The following PCSK5 variants were observed in gnomAD, a reference collection of about 807,000 sequenced individuals.
PCSK5 encodes proprotein convertase subtilisin/kexin type 5.
Under a neutral mutation model 233.2 loss-of-function variants are expected in PCSK5, and 129 were observed. The observed-to-expected ratio is 0.55, with a 90% CI of 0.48 to 0.64. The LOEUF (loss-of-function observed/expected upper bound fraction) is 0.64, where lower values mean the gene tolerates loss of function less well. Among genes scored for constraint, PCSK5 ranks in the 30% least tolerant of loss-of-function variants. PCSK5 has a pLI of 0.00. For missense variants in PCSK5, 2,076 were observed against 2,430.1 expected (o/e 0.85, Z 3.06); for synonymous variants, 825 against 879.2 (o/e 0.94, Z 1.09).
intron 5 of PCSK5, among the ~76,000 whole-genome samples, chr9:76,046,391 T>A (rs1829394673): frequency 1.3e-5 from 2 of 151,232 alleles, no homozygotes; most frequent in African/African-American, 4.8e-5. Flanking sequence ...TTGGTCAGGT[T>A]TGTCTCGAAC....
At chr9:76,176,409 A>T (rs1002715353) in intron 14 of PCSK5, among the ~76,000 whole-genome samples, 4 of 152,164 alleles carry the variant, frequency 2.6e-5, no homozygotes, top group African/African-American at 9.7e-5. Flanking sequence ...TTTTCATTTC[A>T]TGATGTTATT....
chr9:76,328,082 C>A lies in PCSK5; in HGVS notation c.4413C>A (p.Asn1471Lys). The A allele has an allele frequency of 6.2e-7, 1 of 1,612,840 alleles. No individual in the cohort carries two copies. The highest frequency in any genetic ancestry group is 8.5e-7 in the Non-Finnish European group (1 of 1,179,822). Reference sequence around the variant, plus strand: ...CCTGTCAGAAAGGCCTGATCATGAACCCTCGTGGGAGCTGCATGGCCAACG... The same window carrying A: ...CCTGTCAGAAAGGCCTGATCATGAAACCTCGTGGGAGCTGCATGGCCAACG... ...CTTCQKGLIMNPRGSCMANEK... is the reference protein window; with the variant it reads ...CTTCQKGLIMKPRGSCMANEK... The change falls in exon 33 of 38, where the codon AAC becomes AAA. Residue 1471 changes from asparagine to lysine, a missense_variant. This residue lies in a region of PCSK5 where 1,510 missense variants were observed against 1,538.1 expected (regional missense o/e 0.98). Transcript: ENST00000674117.
chr9:76,304,113 A>G (rs1177943665), intron 28 of PCSK5, among the ~76,000 whole-genome samples: 2 of 152,174 alleles, frequency 1.3e-5, no homozygotes, highest in Admixed American at 6.5e-5. Context: ...TGAAGGTTGC[A>G]GTGAGCCAAG....
At chr9:76,067,620 A>G (rs1830330660) in intron 5 of PCSK5, among the ~76,000 whole-genome samples, 1 of 152,242 alleles carries the variant, frequency 6.6e-6, no homozygotes, top group Non-Finnish European at 1.5e-5. Flanking sequence ...GTCACATTTC[A>G]AGTATCTGGT....
At chr9:76,002,924 G>A (rs12683707) in intron 3 of PCSK5, among the ~76,000 whole-genome samples, 7,522 of 152,188 alleles carry the variant, frequency 0.049, 320 homozygotes, top group East Asian at 0.17. Flanking sequence ...AGTCTAATAC[G>A]AAAAAAGTGA....
At chr9:76,322,377 C>T (rs1829233266) in intron 31 of PCSK5, among the ~76,000 whole-genome samples, 1 of 152,154 alleles carries the variant, frequency 6.6e-6, no homozygotes, top group African/African-American at 2.4e-5. Flanking sequence ...ACTGAGATGA[C>T]CACTCTGGCT....
At chr9:76,028,939 A>G (rs1364544147) in intron 5 of PCSK5, among the ~76,000 whole-genome samples, 1 of 152,106 alleles carries the variant, frequency 6.6e-6, no homozygotes, top group Non-Finnish European at 1.5e-5. Flanking sequence ...TCAGTGTCAT[A>G]ATTTTCTCAG....
At chr9:75,984,814 GA>G (rs1290287914) in intron 2 of PCSK5, among the ~76,000 whole-genome samples, 1 of 152,040 alleles carries the variant, frequency 6.6e-6, no homozygotes, top group East Asian at 1.9e-4. Flanking sequence ...AGATTTTTTT[GA>G]AATGAAGAGG....
intron 2 of PCSK5, among the ~76,000 whole-genome samples, chr9:75,964,654 G>C (rs950814551): frequency 1.3e-5 from 2 of 152,194 alleles, no homozygotes; most frequent in African/African-American, 4.8e-5. Flanking sequence ...GTATGGGTGA[G>C]GGAATAAAGC....
intron 2 of PCSK5, among the ~76,000 whole-genome samples, chr9:75,950,549 A>G (rs1218024216): frequency 6.6e-6 from 1 of 152,216 alleles, no homozygotes; most frequent in Admixed American, 6.5e-5. Context: ...ATTCTTAAAG[A>G]AAAGAATTTT....
intron 29 of PCSK5, among the ~76,000 whole-genome samples, chr9:76,310,345 C>T (rs962713447): frequency 8.6e-5 from 13 of 151,736 alleles, no homozygotes; most frequent in African/African-American, 2.7e-4. Flanking sequence ...TGTGCATGTA[C>T]AGCTGCCTTA....
chr9:75,923,710 A>T (rs1338571098), intron 1 of PCSK5, among the ~76,000 whole-genome samples: 1 of 152,184 alleles, frequency 6.6e-6, no homozygotes, highest in Non-Finnish European at 1.5e-5. Context: ...ATGCAAATTT[A>T]TTAACTTGCA....
chr9:75,955,756 A>T (rs995727245), intron 2 of PCSK5, among the ~76,000 whole-genome samples: 1 of 152,144 alleles, frequency 6.6e-6, no homozygotes, highest in Non-Finnish European at 1.5e-5. Flanking sequence ...TAATTTATCC[A>T]TAATGAGAGA....
chr9:75,940,641 A>G lies in PCSK5; in HGVS notation c.297+8158A>G, dbSNP rs559568403. On this transcript the variant is annotated intron_variant, in intron 2 of 37. Coordinates refer to ENST00000674117, the MANE Select transcript of PCSK5 (RefSeq NM_001372043.1). ...GCCTGGGGTTTCTCTTTTTGCCTCA[A>G]GAGTAAAATAGGTGTAATGGAGTAA... Among the ~76,000 whole-genome samples, 10 of 152,366 alleles carry G rather than the reference A, an allele frequency of 6.6e-5. 1 individual carries two copies. The East Asian group carries it at 1.5e-3, about 24-fold the overall frequency.
intron 3 of PCSK5, among the ~76,000 whole-genome samples, chr9:75,995,206 A>G (rs1826959266): frequency 6.6e-6 from 1 of 152,190 alleles, no homozygotes; most frequent in Non-Finnish European, 1.5e-5. Flanking sequence ...TAATGCAGTT[A>G]TAACTTTCCA....
In PCSK5 at chr9:76,068,002, C is replaced by T. The variant is rs1564007113; in HGVS notation, c.680C>T (p.Ser227Leu). The T allele has an allele frequency of 1.2e-6, 2 of 1,614,028 alleles. No homozygotes were observed. The highest frequency in any genetic ancestry group is 1.7e-6 in the Non-Finnish European group (2 of 1,179,938). Residue 227 changes from serine (S) to leucine (L), a missense_variant, in exon 6 of 38, where the codon TCG becomes TTG. This residue lies in a region of PCSK5 where 178 missense variants were observed against 393.6 expected (regional missense o/e 0.45). Coordinates refer to ENST00000674117, the MANE Select transcript of PCSK5 (RefSeq NM_001372043.1). ...AGEVAAAANN[S>L]HCTVGIAFNA... ...GAAGTGGCAGCCGCTGCAAACAATT[C>T]GCACTGCACAGTCGGAATTGCTTTC...
chr9:76,022,762 A>G (rs985583235), intron 3 of PCSK5, among the ~76,000 whole-genome samples: 3 of 152,216 alleles, frequency 2.0e-5, no homozygotes, highest in Admixed American at 6.5e-5. Flanking sequence ...TCCATGTTTT[A>G]CAGCCTTCCC....
chr9:76,175,457 T>A (rs1432837701), intron 14 of PCSK5: 3 of 400,160 alleles, frequency 7.5e-6, no homozygotes, highest in Non-Finnish European at 8.8e-6. Context: ...ATAGTCCATA[T>A]TGCGATTGTA....
intron 14 of PCSK5, among the ~76,000 whole-genome samples, chr9:76,179,257 C>T (rs930516741): frequency 1.3e-5 from 2 of 152,136 alleles, no homozygotes; most frequent in Non-Finnish European, 2.9e-5. Flanking sequence ...TACTATTACA[C>T]ATACTTAATT....
Sources: allele counts gnomAD v4.1 joint callset (sites outside exome capture counted in the v4.1 genomes callset), GRCh38; gene constraint gnomAD v4.1.1; regional missense constraint gnomAD v4.1.1; transcripts MANE v1.5; gene names NCBI Gene and HGNC (gene_info 2026-07-23, HGNC 2026-07-21).